Variants in THSD1 observed in about 807,000 individuals in gnomAD.
THSD1 encodes thrombospondin type 1 domain containing 1, also known as thrombospondin type-1 domain-containing protein 1.
Under a neutral mutation model 46.3 loss-of-function variants are expected in THSD1, and 34 were observed. The ratio of observed to expected loss-of-function variants is 0.74; its 90% CI spans 0.56 to 0.98. The LOEUF is 0.98. Among genes scored for constraint, THSD1 ranks in the 50% least tolerant of loss-of-function variants. THSD1 has a pLI of 0.00. For synonymous variants in THSD1, 407 were observed against 416.5 expected (o/e 0.98, Z 0.28); for missense variants, 1,023 against 1,058.3 (o/e 0.97, Z 0.46).
intron 4 of THSD1, chr13:52,384,523 T>A (rs1957716570): frequency 7.5e-6 from 3 of 397,372 alleles, no homozygotes; most frequent in South Asian, 5.5e-5. Context: ...GAGCCCAGCA[T>A]AATGATACCT....
At chr13:52,379,355 C>T (rs1317685930) in intron 4 of THSD1, among the ~76,000 whole-genome samples, 1 of 152,158 alleles carries the variant, frequency 6.6e-6, no homozygotes, top group African/African-American at 2.4e-5. Context: ...AAACAGAGAC[C>T]CACAGAAGCG....
chr13:52,404,794 T>A (rs1200638995), intron 1 of THSD1, among the ~76,000 whole-genome samples: 1 of 152,158 alleles, frequency 6.6e-6, no homozygotes, highest in Non-Finnish European at 1.5e-5. Flanking sequence ...ACAATAACAT[T>A]TTTATTTTTG....
At chr13:52,403,193 A>G (rs1484181458) in intron 1 of THSD1, among the ~76,000 whole-genome samples, 1 of 152,130 alleles carries the variant, frequency 6.6e-6, no homozygotes, top group Non-Finnish European at 1.5e-5. Context: ...TCATTTATCA[A>G]TTCCTAGGAG....
At chr13:52,400,034 C>T (rs550444508) in intron 2 of THSD1, 1 of 151,932 alleles carries the variant, frequency 6.6e-6, no homozygotes, top group Non-Finnish European at 1.5e-5. Flanking sequence ...GTTATCAGAA[C>T]TTATTAACAT....
chr13:52,405,299 T>C (rs775695789), intron 1 of THSD1, among the ~76,000 whole-genome samples: 15 of 152,208 alleles, frequency 9.9e-5, no homozygotes, highest in Admixed American at 1.3e-4. Context: ...TCTCCCTTCA[T>C]AGCTGCAGAA....
At position 52,396,909 on chromosome 13, in the gene THSD1, A is replaced by C. The variant is rs549015818; in HGVS notation, c.1021+323T>G. 5.3e-5 allele frequency among the ~76,000 whole-genome samples: 8 copies of C among 152,320 alleles called. No homozygotes were observed. The South Asian group carries it at 1.7e-3, about 32-fold the overall frequency. On this transcript the variant is annotated intron_variant, in intron 3 of 4. Coordinates refer to ENST00000258613, the MANE Select transcript of THSD1 (RefSeq NM_018676.4). Reference sequence around the variant, plus strand: ...TTTAATAATGGGATTTTAAAAATCTAATATAATGTTTATTCAGCACTTCCT... The same window carrying C: ...TTTAATAATGGGATTTTAAAAATCTCATATAATGTTTATTCAGCACTTCCT...
At chr13:52,398,394 C>T (rs973540311) in intron 2 of THSD1, 200 bp from the exon 3 acceptor site, 4 of 664,404 alleles carry the variant, frequency 6.0e-6, no homozygotes, top group East Asian at 1.4e-4. Flanking sequence ...CTCGCCCTCA[C>T]GAATAGCTGG....
At chr13:52,398,223 T>C (rs932223043) in intron 2 of THSD1, 29 bp from the exon 3 acceptor site, 1 of 1,581,768 alleles carries the variant, frequency 6.3e-7, no homozygotes, top group Admixed American at 1.8e-5. Context: ...AATTGGTTTT[T>C]AAAAGGTGCA....
rs1957823412 is a variant in THSD1 at position 52,397,806 on chromosome 13, T to C, written c.447A>G (p.Leu149=). Reference sequence around the variant, plus strand: ...ACGGGCACAGTGGTTGACTGGTAAATAGGCCCACTTGGAAGGTGCCTTCTG... The same window carrying C: ...ACGGGCACAGTGGTTGACTGGTAAACAGGCCCACTTGGAAGGTGCCTTCTG... ...KAAEGTFQVG[L]FTSQPLCPFP... Residue 149 remains leucine, a synonymous_variant, in exon 3 of 5, where the codon CTA becomes CTG. Transcript: ENST00000258613. The C allele has an allele frequency of 2.5e-6, 4 of 1,614,242 alleles. No homozygotes were observed.
chr13:52,398,035 G>A lies in THSD1; in HGVS notation c.218C>T (p.Thr73Ile), dbSNP rs746808630. Residue 73 changes from threonine to isoleucine, a missense_variant, in exon 3 of 5, where the codon ACT becomes ATT. Physicochemically the swap from Thr to Ile is moderately conservative, Grantham distance 89 (BLOSUM62 -1). Coordinates refer to ENST00000258613, the MANE Select transcript of THSD1 (RefSeq NM_018676.4). ...LLEANTNQTV[T>I]TKYLLTNQSQ... ...CTGGTTGGTCAGGAGGTACTTGGTA[G>A]TTACAGTCTGATTGGTGTTGGCCTC... The A allele has an allele frequency of 1.9e-6, 3 of 1,614,220 alleles. No individual in the cohort carries two copies. In the South Asian group the frequency reaches 3.3e-5, roughly 18 times the overall value.
At chr13:52,402,975 G>C (rs977607899) in intron 1 of THSD1, 2 of 983,832 alleles carry the variant, frequency 2.0e-6, no homozygotes, top group East Asian at 2.3e-4. Flanking sequence ...AGAGTTTATT[G>C]TTATTTGCTT....
At chr13:52,402,999 T>C in intron 1 of THSD1, 1 of 943,878 alleles carries the variant, frequency 1.1e-6, no homozygotes, top group Non-Finnish European at 1.3e-6. Flanking sequence ...TTTATCAAAG[T>C]TAATAGCCAA....
chr13:52,400,674 T>C (rs952761385), intron 2 of THSD1, among the ~76,000 whole-genome samples: 6 of 152,194 alleles, frequency 3.9e-5, no homozygotes, highest in African/African-American at 1.2e-4. Flanking sequence ...AATATACAGG[T>C]AATGCTAAAT....
At chr13:52,402,810 C>T (rs1957875167) in intron 1 of THSD1, 129 bp from the exon 2 acceptor site, 1 of 1,356,186 alleles carries the variant, frequency 7.4e-7, no homozygotes, top group African/African-American at 1.5e-5. Flanking sequence ...AGAGAGGACA[C>T]TAATTTTCCC....
At chr13:52,381,408 C>T (rs946512923) in intron 4 of THSD1, among the ~76,000 whole-genome samples, 2 of 152,130 alleles carry the variant, frequency 1.3e-5, no homozygotes, top group East Asian at 1.9e-4. Flanking sequence ...GCCCACAAAT[C>T]CTTCCATGGG....
intron 4 of THSD1, among the ~76,000 whole-genome samples, 172 bp from the exon 5 acceptor site, chr13:52,378,961 C>G (rs1303312863): frequency 6.7e-6 from 1 of 150,242 alleles, no homozygotes; most frequent in Non-Finnish European, 1.5e-5. Context: ...CTCCCAGGCT[C>G]AAACAATTCT....
At chr13:52,390,976 T>C (rs1957768874) in intron 3 of THSD1, among the ~76,000 whole-genome samples, 2 of 152,076 alleles carry the variant, frequency 1.3e-5, no homozygotes, top group African/African-American at 4.8e-5. Context: ...ATATAAATAA[T>C]GGAACTCATA....
intron 4 of THSD1, chr13:52,384,303 G>C (rs750348586): frequency 1.4e-5 from 6 of 441,072 alleles, no homozygotes; most frequent in Non-Finnish European, 2.3e-5. Context: ...AGATTGGCCT[G>C]TATATAAAGG....
chr13:52,389,445 CTAAGT>C (rs1333077501), intron 3 of THSD1, among the ~76,000 whole-genome samples: 4 of 151,948 alleles, frequency 2.6e-5, no homozygotes, highest in Admixed American at 6.6e-5. Context: ...AATCTAAACA[CTAAGT>C]TAAAAGACAT....
Sources: allele counts gnomAD v4.1 joint callset (sites outside exome capture counted in the v4.1 genomes callset), GRCh38; gene constraint gnomAD v4.1.1; transcripts MANE v1.5; gene names NCBI Gene and HGNC (gene_info 2026-07-23, HGNC 2026-07-21).